Variants in DMAP1 observed in about 807,000 individuals in gnomAD.
DMAP1 encodes the protein DNA methyltransferase 1 associated protein 1, also known as DNA methyltransferase 1-associated protein 1.
In DMAP1, 26 loss-of-function variants were observed where a neutral mutation model predicts 52.7. The ratio of observed to expected loss-of-function variants is 0.49; its 90% CI spans 0.36 to 0.68. DMAP1 has a LOEUF of 0.68. Ranked by LOEUF, DMAP1 falls within the 30% of genes least tolerant of loss-of-function variation. The pLI, the probability that DMAP1 is intolerant of heterozygous loss-of-function variation, is 0.00. For missense variants in DMAP1, 439 were observed against 625.2 expected (o/e 0.70, Z 3.18); for synonymous variants, 231 against 246.0 (o/e 0.94, Z 0.57).
At position 44,218,975 on chromosome 1, in the gene DMAP1, C is replaced by T; in HGVS notation, c.721-81C>T. The T allele has an allele frequency of 6.5e-7, 1 of 1,540,916 alleles. No individual in the cohort carries two copies. Among genetic ancestry groups the T allele is most frequent in the South Asian group, 1.2e-5 (1 of 82,114 alleles). ...ATTACTTCTCAGATTCCCTCACAGA[C>T]AGCCCAGCACCCTGTCACCTCCGTG... On this transcript the variant is annotated intron_variant, in intron 5 of 9. Transcript: ENST00000372289. This position sits in a 1 kb window ranked among gnomAD's most constrained non-coding sequence, Gnocchi z 5.6.
At position 44,218,288 on chromosome 1, in the gene DMAP1, A is replaced by T. The variant is rs765302266; in HGVS notation, c.394-23A>T. On this transcript the variant is annotated intron_variant, in intron 3 of 9. Coordinates refer to ENST00000372289, the MANE Select transcript of DMAP1 (RefSeq NM_019100.5). The surrounding 1 kb of genome is among the most constrained non-coding windows in gnomAD (Gnocchi z 5.6). ...CATGACATCATGCGGGCATGCCCCTACTGTGTCCCTCTGTGCTAGTAGACT... is the reference window on the plus strand; with the variant it reads ...CATGACATCATGCGGGCATGCCCCTTCTGTGTCCCTCTGTGCTAGTAGACT... 3 of 1,614,218 alleles carry T rather than the reference A, an allele frequency of 1.9e-6. No individual in the cohort carries two copies. The highest frequency in any genetic ancestry group is 1.1e-5 in the South Asian group (1 of 91,082).
chr1:44,219,070 G>A lies in DMAP1; in HGVS notation c.735G>A (p.Glu245=), dbSNP rs368497754. ...NRTPEQVAEE[E]YLLQELRKIE... ...CACTTTCCCAGGTGGCAGAGGAGGA[G>A]TACCTGCTACAGGAGCTGCGCAAGA... The change falls in exon 6 of 10, where the codon GAG becomes GAA. Residue 245 remains glutamate (E), a synonymous_variant. Transcript: ENST00000372289. The A allele has an allele frequency of 3.0e-5, 49 of 1,613,992 alleles. No homozygotes were observed. The highest frequency in any genetic ancestry group is 8.3e-5 in the Admixed American group (5 of 59,994).
chr1:44,214,970 T>C, intron 3 of DMAP1, 72 bp downstream of exon 3: 1 of 1,576,144 alleles, frequency 6.3e-7, no homozygotes. Flanking sequence ...AGCTCTCCAG[T>C]CTCCTAGGGT....
intron 3 of DMAP1, chr1:44,215,784 A>C: frequency 5.7e-6 from 1 of 174,198 alleles, no homozygotes. Flanking sequence ...CCCCTAGTCC[A>C]AGCTGAGTTA....
intron 3 of DMAP1, 121 bp downstream of exon 3, chr1:44,215,019 CA>C (rs781472392): frequency 4.4e-6 from 5 of 1,148,352 alleles, no homozygotes; most frequent in Non-Finnish European, 6.4e-6. Context: ...TGTGATTACC[CA>C]CTCAATCCTC....
rs1372031741 is a variant in DMAP1, at chr1:44,220,484, G to A, written c.1345-75G>A. On this transcript the variant is annotated intron_variant, in intron 9 of 9. Coordinates refer to ENST00000372289, the MANE Select transcript of DMAP1 (RefSeq NM_019100.5). ...CCAGTGGGCGTCCTTGTCCCTGAGC[G>A]TGTGAAGCACATGCACTAAGCCTGA... 2.9e-5 allele frequency: 46 copies of A among 1,612,500 alleles called. No homozygotes were observed. The East Asian group carries it at 6.9e-4, about 24-fold the overall frequency.
At chr1:44,214,521 C>T in intron 2 of DMAP1, 80 bp downstream of exon 2, 1 of 1,613,152 alleles carries the variant, frequency 6.2e-7, no homozygotes. Flanking sequence ...TTTTCTCTAA[C>T]AATTTTCTCC....
intron 1 of DMAP1, 144 bp from the exon 2 acceptor site, chr1:44,214,206 G>T: frequency 1.3e-6 from 1 of 772,414 alleles, no homozygotes; most frequent in Non-Finnish European, 2.2e-6. Context: ...GTGTTCCTGG[G>T]AGTGGGTTTC....
intron 3 of DMAP1, chr1:44,215,343 T>C (rs1195661222): frequency 2.2e-5 from 10 of 456,634 alleles, no homozygotes; most frequent in South Asian, 1.5e-4. Flanking sequence ...ACAGAGCTCA[T>C]CATCTTCCCT....
chr1:44,218,918 C>T lies in DMAP1; in HGVS notation c.721-138C>T, dbSNP rs1287627254. On this transcript the variant is annotated intron_variant, in intron 5 of 9. Coordinates refer to ENST00000372289, the MANE Select transcript of DMAP1 (RefSeq NM_019100.5). This position sits in a 1 kb window ranked among gnomAD's most constrained non-coding sequence, Gnocchi z 5.6. The stretch of plus-strand genomic sequence containing the variant: ...TACTTCTCATGGGCCATCCCCCCTG[C>T]TTTTCATAGCCCTTCACCTCCCTCA... 2 of 1,409,490 alleles carry T rather than the reference C, an allele frequency of 1.4e-6. No individual in the cohort carries two copies. Among genetic ancestry groups the T allele is most frequent in the African/African-American group, 1.4e-5 (1 of 69,754 alleles). The allele number at this position is 1,409,490 out of a possible 1,614,324, so 87.3% of individuals were successfully genotyped here. A position where few individuals can be genotyped will look rare whatever the true frequency, so the allele number is the denominator to read the frequency against.
chr1:44,217,199 T>C (rs1643812121), intron 3 of DMAP1: 1 of 152,250 alleles, frequency 6.6e-6, no homozygotes, highest in Admixed American at 6.5e-5. Context: ...GTGTGTACTC[T>C]CAGTTTCCAT....
Position 44,214,827 on chromosome 1 carries a change from G to A in DMAP1, c.322G>A (p.Gly108Arg), listed in dbSNP as rs1032104702. ...ATTCACCAACCCGGCCCGCAAGGAC[G>A]GAGCAATGTTCTTCCACTGGCGACG... ...MPFTNPARKD[G>R]AMFFHWRRAA... is the part of the protein sequence containing the mutation. Residue 108 changes from glycine (G) to arginine (R), a missense_variant, in exon 3 of 10, where the codon GGA becomes AGA. Gly to Arg is a moderately radical substitution (Grantham distance 125, BLOSUM62 -2). Coordinates refer to ENST00000372289, the MANE Select transcript of DMAP1 (RefSeq NM_019100.5). 4 of 1,614,210 alleles carry A rather than the reference G, an allele frequency of 2.5e-6. No homozygotes were observed. Among genetic ancestry groups the A allele is most frequent in the Non-Finnish European group, 3.4e-6 (4 of 1,180,032 alleles).
rs377361405 is a variant in DMAP1, at chr1:44,219,509, G to A, written c.978+32G>A. 14 of 1,544,764 alleles carry A rather than the reference G, an allele frequency of 9.1e-6. No individual in the cohort carries two copies. The Admixed American group carries it at 1.9e-4, about 21-fold the overall frequency. ...GAGTCACCTCCTTTAGCAAGTTTGG[G>A]TCCTGGGCTCTGCTCTGGGCTCCAT... On this transcript the variant is annotated intron_variant, in intron 7 of 9. Coordinates refer to ENST00000372289, the MANE Select transcript of DMAP1 (RefSeq NM_019100.5).
rs1056895210 is a variant in DMAP1, at chr1:44,218,659, G to A, written c.624G>A (p.Val208=). Residue 208 remains valine (V), a synonymous_variant, in exon 5 of 10, where the codon GTG becomes GTA. Coordinates refer to ENST00000372289, the MANE Select transcript of DMAP1 (RefSeq NM_019100.5). The surrounding 1 kb of genome is among the most constrained non-coding windows in gnomAD (Gnocchi z 5.6). The part of the protein sequence containing the change: ...ICAKLANVRA[V]PGTDLKIPVF... Reference sequence around the variant, plus strand: ...CTAAGCTTGCCAACGTGCGGGCTGTGCCAGGCACAGACCTTAAGATACCAG... The same window carrying A: ...CTAAGCTTGCCAACGTGCGGGCTGTACCAGGCACAGACCTTAAGATACCAG... 2 of 1,614,036 alleles carry A rather than the reference G, an allele frequency of 1.2e-6. No homozygotes were observed. The highest frequency in any genetic ancestry group is 1.3e-5 in the African/African-American group (1 of 75,022).
intron 3 of DMAP1, chr1:44,215,418 C>T (rs1414184506): frequency 6.8e-6 from 3 of 442,446 alleles, no homozygotes; most frequent in South Asian, 4.7e-5. Flanking sequence ...GTTGCCCAAA[C>T]CAGAAACTTG....
At chr1:44,219,499 G>C in intron 7 of DMAP1, 22 bp downstream of exon 7, 1 of 1,553,636 alleles carries the variant, frequency 6.4e-7, no homozygotes, top group East Asian at 2.2e-5. Context: ...ACCTCCTTTA[G>C]CAAGTTTGGG....
chr1:44,219,775 G>C (rs1448089513), intron 7 of DMAP1, 31 bp from the exon 8 acceptor site: 2 of 1,612,746 alleles, frequency 1.2e-6, no homozygotes, highest in Admixed American at 3.3e-5. Flanking sequence ...TTGTGGCTGG[G>C]ACAGGCTTAG....
intron 1 of DMAP1, among the ~76,000 whole-genome samples, chr1:44,214,086 C>G (rs887145325): frequency 6.6e-6 from 1 of 152,078 alleles, no homozygotes; most frequent in Admixed American, 6.6e-5. Context: ...GCTGAGAGGA[C>G]CAGGCAAGTG....
At chr1:44,215,319 G>T in intron 3 of DMAP1, 1 of 457,032 alleles carries the variant, frequency 2.2e-6, no homozygotes, top group South Asian at 1.5e-5. Context: ...CCTTACATCA[G>T]GTAGGTACCC....
Sources: allele counts gnomAD v4.1 joint callset (sites outside exome capture counted in the v4.1 genomes callset), GRCh38; gene constraint gnomAD v4.1.1; non-coding constraint Gnocchi (gnomAD v3.1); transcripts MANE v1.5; gene names NCBI Gene and HGNC (gene_info 2026-07-23, HGNC 2026-07-21).